ESRRG: variants seen among roughly 807,000 people sequenced by gnomAD.
The protein encoded by ESRRG is estrogen related receptor gamma.
Under a neutral mutation model 44.0 loss-of-function variants are expected in ESRRG, and 13 were observed. The ratio of observed to expected loss-of-function variants is 0.30; its 90% CI spans 0.19 to 0.47. ESRRG has a LOEUF of 0.47. ESRRG is among the 20% of genes least tolerant of loss of function. The pLI, the probability that ESRRG is intolerant of heterozygous loss-of-function variation, is 1.00. For synonymous variants in ESRRG, 215 were observed against 214.6 expected, an observed-to-expected ratio of 1.00 and a Z score of -0.02; for missense variants, 395 against 580.6, an observed-to-expected ratio of 0.68 and a Z score of 3.29.
At chr1:216,689,151 A>C (rs995354380) in intron 1 of ESRRG, among the ~76,000 whole-genome samples, 2 of 152,198 alleles carry the variant, frequency 1.3e-5, no homozygotes, top group African/African-American at 4.8e-5. Context: ...TGCTCAGTAA[A>C]GATTTAGTGT....
chr1:216,677,028 T>C (rs1274047988), intron 2 of ESRRG, 48 bp downstream of exon 2: 8 of 1,430,616 alleles, frequency 5.6e-6, no homozygotes, highest in Admixed American at 5.4e-5. Flanking sequence ...CAAAAACCCA[T>C]CATGTGAGGT....
chr1:216,912,014 G>T (rs749404265), intron 2 of ESRRG, among the ~76,000 whole-genome samples: 21 of 151,154 alleles, frequency 1.4e-4, no homozygotes, highest in Non-Finnish European at 2.1e-4. Flanking sequence ...TGGGAGGATT[G>T]CTGGAGCCTG....
At chr1:216,956,828 C>T (rs193230519) in intron 1 of ESRRG, among the ~76,000 whole-genome samples, 11 of 152,096 alleles carry the variant, frequency 7.2e-5, no homozygotes, top group African/African-American at 2.2e-4. Context: ...ATGTCACTTG[C>T]GTACCAATAT....
intron 5 of ESRRG, among the ~76,000 whole-genome samples, chr1:216,550,502 C>G (rs957018416): frequency 6.6e-6 from 1 of 152,062 alleles, no homozygotes; most frequent in Non-Finnish European, 1.5e-5. Context: ...GGCTGATATC[C>G]CTGACTAAGC....
At chr1:216,644,969 C>G (rs2067232784) in intron 3 of ESRRG, among the ~76,000 whole-genome samples, 1 of 152,128 alleles carries the variant, frequency 6.6e-6, no homozygotes, top group African/African-American at 2.4e-5. Context: ...GTAGCAATCA[C>G]AGCAATCTGT....
chr1:216,747,814 T>A (rs1559495601), intron 2 of ESRRG, among the ~76,000 whole-genome samples: 1 of 152,160 alleles, frequency 6.6e-6, no homozygotes, highest in African/African-American at 2.4e-5. Flanking sequence ...AAACAGTATG[T>A]GGCATAATTC....
chr1:216,882,704 A>G (rs2096464000), intron 2 of ESRRG, among the ~76,000 whole-genome samples: 1 of 152,240 alleles, frequency 6.6e-6, no homozygotes, highest in Non-Finnish European at 1.5e-5. Context: ...GGTAGAAGGT[A>G]GCTTTTAAAC....
At chr1:217,072,947 T>C (rs751269346) in intron 1 of ESRRG, among the ~76,000 whole-genome samples, 5 of 152,020 alleles carry the variant, frequency 3.3e-5, no homozygotes, top group Non-Finnish European at 7.4e-5. Flanking sequence ...ATTCATATGA[T>C]ATCCAGTCAT....
intron 1 of ESRRG, among the ~76,000 whole-genome samples, chr1:216,959,026 T>G (rs900761714): frequency 6.6e-6 from 1 of 152,132 alleles, no homozygotes; most frequent in East Asian, 1.9e-4. Context: ...TTTACACTTA[T>G]TTTTAGTTCC....
At chr1:216,517,193 A>G (rs1331608776) in intron 6 of ESRRG, among the ~76,000 whole-genome samples, 1 of 152,126 alleles carries the variant, frequency 6.6e-6, no homozygotes, top group Non-Finnish European at 1.5e-5. Flanking sequence ...GAGCTTATTG[A>G]CCATTTCTGA....
intron 2 of ESRRG, among the ~76,000 whole-genome samples, chr1:216,913,465 T>A (rs2060742804): frequency 6.6e-6 from 1 of 152,192 alleles, no homozygotes; most frequent in Non-Finnish European, 1.5e-5. Context: ...ATTTTTCCAA[T>A]GATATCAAAG....
At chr1:216,582,007 T>C (rs546087084) in intron 3 of ESRRG, among the ~76,000 whole-genome samples, 72 of 152,340 alleles carry the variant, frequency 4.7e-4, no homozygotes, top group Non-Finnish European at 8.5e-4. Context: ...ACATTATAAG[T>C]TGGTCACTAT....
intron 1 of ESRRG, among the ~76,000 whole-genome samples, chr1:217,064,267 T>C (rs533775215): frequency 1.3e-5 from 2 of 152,188 alleles, no homozygotes; most frequent in South Asian, 4.1e-4. Flanking sequence ...TATATGTATG[T>C]ATATATGTAT....
At chr1:216,928,906 A>C (rs1371616374) in intron 2 of ESRRG, among the ~76,000 whole-genome samples, 1 of 152,204 alleles carries the variant, frequency 6.6e-6, no homozygotes, top group Non-Finnish European at 1.5e-5. Flanking sequence ...CAGAGTAGTC[A>C]AATTCATAGA....
chr1:216,687,563 G>A (rs192281192), intron 1 of ESRRG, among the ~76,000 whole-genome samples: 1 of 152,180 alleles, frequency 6.6e-6, no homozygotes, highest in Admixed American at 6.5e-5. Flanking sequence ...CTTAGTACTT[G>A]GCCCCTAAGC....
At chr1:216,787,200 C>A (rs888696801) in intron 2 of ESRRG, among the ~76,000 whole-genome samples, 9 of 152,098 alleles carry the variant, frequency 5.9e-5, no homozygotes, top group African/African-American at 2.2e-4. Flanking sequence ...AATTGATAAA[C>A]GTTGTGTCTG....
At chr1:216,834,845 G>A (rs1272964312) in intron 2 of ESRRG, among the ~76,000 whole-genome samples, 3 of 152,126 alleles carry the variant, frequency 2.0e-5, no homozygotes, top group Admixed American at 6.5e-5. Flanking sequence ...AGAAAGTGTC[G>A]ATAAGGAAAA....
At chr1:217,005,762 C>A (rs2077659278) in intron 1 of ESRRG, among the ~76,000 whole-genome samples, 1 of 151,752 alleles carries the variant, frequency 6.6e-6, no homozygotes. Context: ...AAAACCATAG[C>A]TTTCTATGTC....
chr1:216,543,749 G>A (rs2053594299), intron 5 of ESRRG, among the ~76,000 whole-genome samples: 2 of 151,892 alleles, frequency 1.3e-5, no homozygotes, highest in Non-Finnish European at 2.9e-5. Flanking sequence ...ACACTTTGCA[G>A]GATTTTATTT....
Sources: allele counts gnomAD v4.1 joint callset (sites outside exome capture counted in the v4.1 genomes callset), GRCh38; gene constraint gnomAD v4.1.1; transcripts MANE v1.5; gene names NCBI Gene and HGNC (gene_info 2026-07-23, HGNC 2026-07-21).